Variants in MPRIP observed in about 807,000 individuals in gnomAD.
The protein encoded by MPRIP is myosin phosphatase Rho interacting protein, also known as myosin phosphatase Rho-interacting protein.
A neutral mutation model predicts 234.9 loss-of-function variants in MPRIP; 59 were observed. The ratio of observed to expected loss-of-function variants is 0.25; its 90% CI spans 0.20 to 0.31. MPRIP has a LOEUF of 0.31. Ranked by LOEUF, MPRIP falls within the 10% of genes least tolerant of loss-of-function variation. MPRIP has a pLI of 1.00. For missense variants in MPRIP, 2,436 were observed against 3,071.0 expected, an observed-to-expected ratio of 0.79 and a Z score of 4.89; for synonymous variants, 1,144 against 1,263.9, an observed-to-expected ratio of 0.91 and a Z score of 2.01.
chr17:17,104,387 T>C (rs2090022599), intron 3 of MPRIP, among the ~76,000 whole-genome samples: 1 of 152,200 alleles, frequency 6.6e-6, no homozygotes, highest in Non-Finnish European at 1.5e-5. Context: ...TTTGGTGAAC[T>C]AACAGAATTC....
At chr17:17,103,119 G>GC (rs1342651999) in intron 3 of MPRIP, among the ~76,000 whole-genome samples, 1 of 152,216 alleles carries the variant, frequency 6.6e-6, no homozygotes, top group East Asian at 1.9e-4. Context: ...GTGTGGTGGA[G>GC]CGAGTACTGG....
At chr17:17,069,115 T>G (rs997574891) in intron 1 of MPRIP, among the ~76,000 whole-genome samples, 4 of 152,198 alleles carry the variant, frequency 2.6e-5, no homozygotes, top group Non-Finnish European at 5.9e-5. Context: ...CTCTGATGTT[T>G]AAAGGTGCAT....
intron 1 of MPRIP, among the ~76,000 whole-genome samples, chr17:17,045,807 GTTT>G (rs528782550): frequency 7.1e-6 from 1 of 139,980 alleles, no homozygotes; most frequent in Non-Finnish European, 1.5e-5. Flanking sequence ...CAAATATACA[GTTT>G]TTTTTTTTTT....
At chr17:17,148,584 A>T (rs937720038) in intron 11 of MPRIP, among the ~76,000 whole-genome samples, 3 of 152,222 alleles carry the variant, frequency 2.0e-5, no homozygotes, top group African/African-American at 7.2e-5. Context: ...CAATCTTTAA[A>T]TGCCCATCTT....
intron 3 of MPRIP, among the ~76,000 whole-genome samples, chr17:17,093,914 C>A (rs2089778617): frequency 6.6e-6 from 1 of 152,176 alleles, no homozygotes; most frequent in South Asian, 2.1e-4. Flanking sequence ...TTGCTCCTAC[C>A]CAGCTACCCT....
chr17:17,075,688 T>C (rs762979400), intron 1 of MPRIP, 22 bp from the exon 2 acceptor site: 2 of 1,610,272 alleles, frequency 1.2e-6, no homozygotes, highest in Admixed American at 1.7e-5. Context: ...GCTGGTGACC[T>C]GCCCTCTTTT....
chr17:17,045,094 A>G (rs2088303286), intron 1 of MPRIP, among the ~76,000 whole-genome samples: 1 of 152,082 alleles, frequency 6.6e-6, no homozygotes, highest in Non-Finnish European at 1.5e-5. Flanking sequence ...GGTTCCCATC[A>G]GTCTCCCCCA....
chr17:17,173,085 C>G (rs2046180183), intron 18 of MPRIP, among the ~76,000 whole-genome samples: 1 of 152,254 alleles, frequency 6.6e-6, no homozygotes, highest in African/African-American at 2.4e-5. Flanking sequence ...CAGGGCTGAT[C>G]CCAGCAACTG....
intron 1 of MPRIP, among the ~76,000 whole-genome samples, chr17:17,066,742 TTTTTTTTTTTTTTTTTTTTTTTTTTTTG>T: frequency 1.2e-5 from 1 of 80,072 alleles, no homozygotes; most frequent in African/African-American, 1.1e-4. Flanking sequence ...TTTTTTTTTT[TTTTTTTTTTTTTTTTTTTTTTTTTTTTG>T]AGACAGTGTC....
At position 17,123,645 on chromosome 17, in the gene MPRIP, A is replaced by G. The variant is rs537036306; in HGVS notation, c.268-3057A>G. 2.9e-4 allele frequency among the ~76,000 whole-genome samples: 43 copies of G among 146,816 alleles called. 2 individuals carry two copies. In the South Asian group the frequency reaches 7.6e-3, roughly 26 times the overall value. ...CTTGAACCCAGGGGATGGAGGTTGC[A>G]GTGAGCTGAGATCACACCACTGCAC... On this transcript the variant is annotated intron_variant, in intron 3 of 23. Transcript: ENST00000651222.
At chr17:17,043,737 C>G (rs943068975) in intron 1 of MPRIP, among the ~76,000 whole-genome samples, 3 of 152,344 alleles carry the variant, frequency 2.0e-5, no homozygotes, top group East Asian at 3.9e-4. Context: ...CTCCAAGAGG[C>G]TTGGCTGCAG....
intron 3 of MPRIP, among the ~76,000 whole-genome samples, chr17:17,086,626 G>A (rs1467035558): frequency 6.6e-6 from 1 of 152,194 alleles, no homozygotes; most frequent in East Asian, 1.9e-4. Flanking sequence ...AAACACTAAA[G>A]GTGAGTGAGC....
intron 3 of MPRIP, among the ~76,000 whole-genome samples, chr17:17,113,728 A>G (rs527803957): frequency 6.6e-6 from 1 of 152,276 alleles, no homozygotes; most frequent in South Asian, 2.1e-4. Flanking sequence ...AAGAAGCTCC[A>G]TACTGCTTTC....
chr17:17,060,811 C>G (rs1459440404), intron 1 of MPRIP, among the ~76,000 whole-genome samples: 2 of 152,230 alleles, frequency 1.3e-5, no homozygotes, highest in Admixed American at 6.5e-5. Context: ...CAGTGGCTGG[C>G]TGTTTGTGGA....
At chr17:17,161,478 A>C in intron 15 of MPRIP, 122 bp downstream of exon 15, 1 of 581,638 alleles carries the variant, frequency 1.7e-6, no homozygotes, top group Non-Finnish European at 2.9e-6. Context: ...CCAGGAGCTC[A>C]TGCCCCTGGG....
At chr17:17,047,216 T>C (rs989364388) in intron 1 of MPRIP, among the ~76,000 whole-genome samples, 1 of 152,124 alleles carries the variant, frequency 6.6e-6, no homozygotes, top group African/African-American at 2.4e-5. Flanking sequence ...TAAAAAACTT[T>C]ATTTACAAAA....
intron 3 of MPRIP, among the ~76,000 whole-genome samples, chr17:17,086,850 G>A (rs1292372402): frequency 6.6e-6 from 1 of 152,178 alleles, no homozygotes; most frequent in South Asian, 2.1e-4. Flanking sequence ...CTCCGTGGGA[G>A]CTTCAAGATG....
At chr17:17,096,288 GGTGTGT>G (rs59748753) in intron 3 of MPRIP, among the ~76,000 whole-genome samples, 12,224 of 136,276 alleles carry the variant, frequency 0.09, 626 homozygotes, top group Middle Eastern at 0.12. Flanking sequence ...GTGTGTGCAG[GGTGTGT>G]GTGTGTGTGT....
rs758869194 is a variant in MPRIP at position 17,137,888 on chromosome 17, G to A, written c.737-28G>A. On this transcript the variant is annotated intron_variant, in intron 6 of 23. Transcript: ENST00000651222. ...GCAAAGCTGCCAGCAGGCTGAGTGCGTCTCCTCCCTCCCACTGTCTCTTCC... is the reference window on the plus strand; with the variant it reads ...GCAAAGCTGCCAGCAGGCTGAGTGCATCTCCTCCCTCCCACTGTCTCTTCC... 72 of 1,535,820 alleles carry A rather than the reference G, an allele frequency of 4.7e-5. No individual in the cohort carries two copies. In the Middle Eastern group the frequency reaches 6.7e-4, roughly 14 times the overall value.
Sources: gnomAD v4.1 joint callset for allele counts (sites outside exome capture counted in the v4.1 genomes callset) on GRCh38, gnomAD v4.1.1 for gene constraint, MANE v1.5 for transcripts, NCBI Gene and HGNC (gene_info 2026-07-23, HGNC 2026-07-21) for gene names.